The following PBX3 variants were observed in gnomAD, a reference collection of about 807,000 sequenced individuals.
The protein encoded by PBX3 is PBX homeobox 3.
Under a neutral mutation model 48.5 loss-of-function variants are expected in PBX3, and 14 were observed. That is an observed-to-expected ratio of 0.29 (90% CI 0.19 to 0.45). The LOEUF (loss-of-function observed/expected upper bound fraction) is 0.45, where lower values mean the gene tolerates loss of function less well. Ranked by LOEUF, PBX3 falls within the 20% of genes least tolerant of loss-of-function variation. The pLI is 1.00. For missense variants in PBX3, 386 were observed against 546.7 expected, an observed-to-expected ratio of 0.71 and a Z score of 2.93; for synonymous variants, 210 against 200.3, an observed-to-expected ratio of 1.05 and a Z score of -0.41.
chr9:125,956,882 C>T (rs1184451944), intron 5 of PBX3, among the ~76,000 whole-genome samples: 1 of 152,192 alleles, frequency 6.6e-6, no homozygotes, highest in Non-Finnish European at 1.5e-5. Flanking sequence ...TGCTCGCCTT[C>T]ATGCACTGCG....
intron 2 of PBX3, among the ~76,000 whole-genome samples, chr9:125,760,824 A>G (rs1439836958): frequency 6.6e-6 from 1 of 152,088 alleles, no homozygotes; most frequent in Non-Finnish European, 1.5e-5. Flanking sequence ...GAATTCACAT[A>G]TATTTTCTTG....
At chr9:125,928,804 T>G (rs1841647591) in intron 3 of PBX3, among the ~76,000 whole-genome samples, 1 of 152,128 alleles carries the variant, frequency 6.6e-6, no homozygotes, top group Non-Finnish European at 1.5e-5. Context: ...CCAGATCTGA[T>G]CCTTATTTTC....
At chr9:125,875,428 G>T (rs1564151265) in intron 2 of PBX3, among the ~76,000 whole-genome samples, 1 of 151,746 alleles carries the variant, frequency 6.6e-6, no homozygotes, top group Non-Finnish European at 1.5e-5. Flanking sequence ...TTGTCTTTTG[G>T]TTTTCATTAT....
chr9:125,926,410 C>T (rs1169365717), intron 3 of PBX3, among the ~76,000 whole-genome samples: 1 of 152,116 alleles, frequency 6.6e-6, no homozygotes, highest in Non-Finnish European at 1.5e-5. Context: ...ATCCCAGCTA[C>T]TTGGAAGGCT....
At chr9:125,765,268 C>A (rs1206888469) in intron 2 of PBX3, among the ~76,000 whole-genome samples, 1 of 151,616 alleles carries the variant, frequency 6.6e-6, no homozygotes, top group African/African-American at 2.4e-5. Flanking sequence ...CGCACCTCAG[C>A]CTCCCGAATA....
intron 2 of PBX3, among the ~76,000 whole-genome samples, chr9:125,749,978 T>C (rs1836326444): frequency 6.6e-6 from 1 of 152,224 alleles, no homozygotes; most frequent in African/African-American, 2.4e-5. Flanking sequence ...AATTACTAAC[T>C]TTTATTTTGT....
At chr9:125,824,255 C>T (rs1838742838) in intron 2 of PBX3, among the ~76,000 whole-genome samples, 1 of 152,094 alleles carries the variant, frequency 6.6e-6, no homozygotes, top group Admixed American at 6.5e-5. Flanking sequence ...TGTAGAGGGG[C>T]TACGTAACCA....
In PBX3 at chr9:125,866,314, G is replaced by A. The variant is rs553440766; in HGVS notation, c.275-49372G>A. On this transcript the variant is annotated intron_variant, in intron 2 of 8. Transcript: ENST00000373489. Reference sequence around the variant, plus strand: ...TTTGTCACATACTGTGTATTTGCTTGAATCACAATTAAATATCTGTATAGT... The same window carrying A: ...TTTGTCACATACTGTGTATTTGCTTAAATCACAATTAAATATCTGTATAGT... Among the ~76,000 whole-genome samples, 11 of 152,278 alleles carry A rather than the reference G, an allele frequency of 7.2e-5. No homozygotes were observed. The South Asian group carries it at 2.1e-3, about 29-fold the overall frequency.
At chr9:125,927,275 A>G (rs1841598633) in intron 3 of PBX3, among the ~76,000 whole-genome samples, 1 of 152,238 alleles carries the variant, frequency 6.6e-6, no homozygotes, top group Non-Finnish European at 1.5e-5. Context: ...TCCCGTAAGT[A>G]TAATATAGTG....
chr9:125,860,457 G>A (rs1325111283), intron 2 of PBX3, among the ~76,000 whole-genome samples: 2 of 152,194 alleles, frequency 1.3e-5, no homozygotes, highest in Non-Finnish European at 2.9e-5. Context: ...CCAGTGAAGG[G>A]TAGTGCTGCA....
intron 2 of PBX3, among the ~76,000 whole-genome samples, chr9:125,846,382 C>T (rs1564136272): frequency 6.6e-6 from 1 of 151,878 alleles, no homozygotes; most frequent in Non-Finnish European, 1.5e-5. Flanking sequence ...ATTTTCAGGT[C>T]ATTTTAGAAA....
intron 5 of PBX3, 134 bp from the exon 6 acceptor site, chr9:125,960,550 T>G: frequency 1.4e-6 from 1 of 715,584 alleles, no homozygotes; most frequent in Middle Eastern, 2.5e-4. Context: ...TTATGCATGA[T>G]CCATAGGATG....
intron 2 of PBX3, among the ~76,000 whole-genome samples, chr9:125,839,078 G>T (rs1839217103): frequency 6.6e-6 from 1 of 152,174 alleles, no homozygotes; most frequent in Non-Finnish European, 1.5e-5. Flanking sequence ...CTATTTCCCA[G>T]TTAGGTTGCC....
At chr9:125,875,968 C>T (rs1840237862) in intron 2 of PBX3, among the ~76,000 whole-genome samples, 1 of 152,216 alleles carries the variant, frequency 6.6e-6, no homozygotes, top group Non-Finnish European at 1.5e-5. Flanking sequence ...TAGCTTCTCA[C>T]ACTCCCTTAT....
intron 2 of PBX3, among the ~76,000 whole-genome samples, chr9:125,903,139 T>C (rs1421685191): frequency 6.6e-6 from 1 of 151,816 alleles, no homozygotes; most frequent in East Asian, 1.9e-4. Flanking sequence ...TCTTTTTTTG[T>C]TTACCAGCTT....
intron 4 of PBX3, among the ~76,000 whole-genome samples, chr9:125,932,721 T>A (rs1290226831): frequency 6.6e-6 from 1 of 152,254 alleles, no homozygotes; most frequent in African/African-American, 2.4e-5. Flanking sequence ...CTATCCTTAT[T>A]TCTGCTGATA....
At chr9:125,951,613 C>T (rs909369658) in intron 5 of PBX3, among the ~76,000 whole-genome samples, 1 of 152,168 alleles carries the variant, frequency 6.6e-6, no homozygotes, top group Non-Finnish European at 1.5e-5. Flanking sequence ...CCTGGTACAT[C>T]CCTGGCACAG....
chr9:125,904,938 G>A (rs956964487), intron 2 of PBX3, among the ~76,000 whole-genome samples: 1 of 151,796 alleles, frequency 6.6e-6, no homozygotes, highest in African/African-American at 2.4e-5. Flanking sequence ...ATTCCTTTTT[G>A]TTAGCTCAAA....
intron 2 of PBX3, among the ~76,000 whole-genome samples, chr9:125,782,320 C>G (rs928162920): frequency 1.3e-5 from 2 of 152,104 alleles, no homozygotes; most frequent in African/African-American, 2.4e-5. Flanking sequence ...TGACCTGCCC[C>G]CCATGATTCA....
Sources: allele counts gnomAD v4.1 joint callset (sites outside exome capture counted in the v4.1 genomes callset), GRCh38; gene constraint gnomAD v4.1.1; transcripts MANE v1.5; gene names NCBI Gene and HGNC (gene_info 2026-07-23, HGNC 2026-07-21).